ARHGEF12: variants seen among roughly 807,000 people sequenced by gnomAD.
ARHGEF12 encodes Rho guanine nucleotide exchange factor 12.
In ARHGEF12, 66 loss-of-function variants were observed where a neutral mutation model predicts 211.2. That is an observed-to-expected ratio of 0.31 (90% CI 0.26 to 0.38). The LOEUF is 0.38. Among genes scored for constraint, ARHGEF12 ranks in the 10% least tolerant of loss-of-function variants. The probability of loss-of-function intolerance (pLI) is 1.00; values close to 1 mark genes in which losing one functional copy is unlikely to be tolerated. For synonymous variants in ARHGEF12, 592 were observed against 638.4 expected, an observed-to-expected ratio of 0.93 and a Z score of 1.09; for missense variants, 1,429 against 1,869.5, an observed-to-expected ratio of 0.76 and a Z score of 4.34.
At chr11:120,373,301 T>A (rs572957084) in intron 1 of ARHGEF12, among the ~76,000 whole-genome samples, 44 of 152,370 alleles carry the variant, frequency 2.9e-4, no homozygotes, top group African/African-American at 1.0e-3. Flanking sequence ...AGGTGCTGTT[T>A]TGTAGCTTGA....
intron 15 of ARHGEF12, 88 bp downstream of exon 15, chr11:120,442,290 G>A: frequency 1.1e-6 from 1 of 944,794 alleles, no homozygotes; most frequent in Non-Finnish European, 1.5e-6. Context: ...CATGTTTTTG[G>A]ATTTTACTGT....
intron 15 of ARHGEF12, 148 bp from the exon 16 acceptor site, chr11:120,445,274 G>T (rs1946009474): frequency 2.7e-6 from 2 of 742,252 alleles, no homozygotes; most frequent in Non-Finnish European, 4.7e-6. Flanking sequence ...TTCTGGAGTT[G>T]TGAAATGTGA....
intron 30 of ARHGEF12, among the ~76,000 whole-genome samples, chr11:120,472,233 C>CA (rs1946890295): frequency 1.3e-5 from 2 of 151,818 alleles, no homozygotes; most frequent in African/African-American, 2.4e-5. Flanking sequence ...ATTATGCTAC[C>CA]ATATCTTGTT....
At chr11:120,377,315 T>A (rs1192660541) in intron 1 of ARHGEF12, among the ~76,000 whole-genome samples, 1 of 152,168 alleles carries the variant, frequency 6.6e-6, no homozygotes, top group African/African-American at 2.4e-5. Flanking sequence ...TCATGTACAG[T>A]ATGTAATCTT....
At chr11:120,471,140 C>T (rs1485110790) in intron 30 of ARHGEF12, among the ~76,000 whole-genome samples, 1 of 152,090 alleles carries the variant, frequency 6.6e-6, no homozygotes, top group Non-Finnish European at 1.5e-5. Context: ...TAAAGATATA[C>T]CCACAAACAG....
intron 1 of ARHGEF12, among the ~76,000 whole-genome samples, chr11:120,351,766 C>T (rs56329702): frequency 0.15 from 23,545 of 151,934 alleles, 2,493 homozygotes; most frequent in Non-Finnish European, 0.22. Context: ...CCACTGCGCC[C>T]GGCCGGATGT....
chr11:120,393,635 G>A (rs1944288000), intron 1 of ARHGEF12, among the ~76,000 whole-genome samples: 2 of 152,178 alleles, frequency 1.3e-5, no homozygotes, highest in Admixed American at 1.3e-4. Context: ...ATCTAGGCAT[G>A]TATACACCTA....
Position 120,480,071 on chromosome 11 carries a change from C to T in ARHGEF12, c.3878C>T (p.Thr1293Ile), listed in dbSNP as rs765541684. ...AGAACAGCCTCTCAGGGGCCGCAGA[C>T]AGACAGTGTCATCCAGAACTCTGAA... ...RYRTASQGPQTDSVIQNSENI... is the reference protein window; with the variant it reads ...RYRTASQGPQIDSVIQNSENI... The change falls in exon 38 of 41, where the codon ACA (threonine) becomes ATA (isoleucine). Residue 1293 changes from threonine (T) to isoleucine (I), a missense_variant. This residue lies in a region of ARHGEF12 where 467 missense variants were observed against 468.4 expected (regional missense o/e 1.00). Transcript: ENST00000397843. 1.2e-6 allele frequency: 2 copies of T among 1,614,086 alleles called. No individual in the cohort carries two copies. The highest frequency in any genetic ancestry group is 1.7e-6 in the Non-Finnish European group (2 of 1,180,040).
intron 1 of ARHGEF12, among the ~76,000 whole-genome samples, chr11:120,363,190 T>A (rs1194564009): frequency 6.6e-6 from 1 of 152,198 alleles, no homozygotes; most frequent in African/African-American, 2.4e-5. Flanking sequence ...GAAATAAAGT[T>A]TAAGGTTTGT....
chr11:120,469,993 A>G (rs1324583196), intron 30 of ARHGEF12, among the ~76,000 whole-genome samples: 6 of 152,222 alleles, frequency 3.9e-5, no homozygotes, highest in Non-Finnish European at 8.8e-5. Context: ...CCTGACGGAA[A>G]AAGAAAGCAT....
chr11:120,451,874 A>G (rs1946225106), intron 22 of ARHGEF12, 150 bp downstream of exon 22: 5 of 744,024 alleles, frequency 6.7e-6, no homozygotes, highest in Non-Finnish European at 1.1e-5. Context: ...TAAGAAATCT[A>G]TGCCGAATGA....
intron 11 of ARHGEF12, among the ~76,000 whole-genome samples, chr11:120,435,576 G>T (rs559406547): frequency 7.0e-6 from 1 of 143,526 alleles, no homozygotes; most frequent in Non-Finnish European, 1.5e-5. Context: ...GTGCAGTGAC[G>T]CAATCTCAGC....
At chr11:120,427,359 T>G (rs1358726275) in intron 7 of ARHGEF12, among the ~76,000 whole-genome samples, 1 of 152,192 alleles carries the variant, frequency 6.6e-6, no homozygotes, top group Non-Finnish European at 1.5e-5. Context: ...AATTGCATTT[T>G]ATGTTCTAGC....
In ARHGEF12 at chr11:120,477,438, T is replaced by C. The variant is rs868045520; in HGVS notation, c.3453-9T>C. ...GTAAAAGTTTTTTTTTTTTTTTTTT[T>C]CTCTACAGAGGAGATAATGATGAAG... On this transcript the variant is annotated splice_polypyrimidine_tract_variant and intron_variant, in intron 35 of 40. Transcript: ENST00000397843. 171 of 1,571,638 alleles carry C rather than the reference T, an allele frequency of 1.1e-4. No individual in the cohort carries two copies. The South Asian group carries it at 1.6e-3, about 15-fold the overall frequency.
intron 27 of ARHGEF12, chr11:120,462,994 T>C: frequency 6.6e-6 from 1 of 152,220 alleles, no homozygotes; most frequent in Non-Finnish European, 1.5e-5. Context: ...GTCAGCCATG[T>C]GATCACAGGG....
chr11:120,421,672 G>A (rs536990904), intron 5 of ARHGEF12, 131 bp from the exon 6 acceptor site: 11 of 749,202 alleles, frequency 1.5e-5, no homozygotes, highest in South Asian at 1.5e-4. Context: ...TCTTGACCTC[G>A]TGATCCGCCC....
At chr11:120,477,180 T>TGTTC in intron 34 of ARHGEF12, 39 bp from the exon 35 acceptor site, 14 of 1,587,698 alleles carry the variant, frequency 8.8e-6, no homozygotes, top group Non-Finnish European at 1.0e-5. Context: ...ATTTCTTTTT[T>TGTTC]CTTTTTTGTA....
At position 120,468,434 on chromosome 11, in the gene ARHGEF12, G is replaced by A. The variant is rs1946768826; in HGVS notation, c.2855-854G>A. ...ACATGACATAGCCTCAATACGTTTTGTCTTGTTTTGTTTTGTTTTGTTTTG... is the reference window on the plus strand; with the variant it reads ...ACATGACATAGCCTCAATACGTTTTATCTTGTTTTGTTTTGTTTTGTTTTG... On this transcript the variant is annotated intron_variant, in intron 29 of 40. Transcript: ENST00000397843. Among the ~76,000 whole-genome samples the A allele has an allele frequency of 2.0e-5, 3 of 152,102 alleles. No individual in the cohort carries two copies. The South Asian group carries it at 6.2e-4, about 31-fold the overall frequency.
At position 120,476,657 on chromosome 11, in the gene ARHGEF12, C is replaced by A. The variant is rs377246853; in HGVS notation, c.3278-4C>A. 203 of 1,609,446 alleles carry A rather than the reference C, an allele frequency of 1.3e-4. 1 individual carries two copies. In the African/African-American group the frequency reaches 2.5e-3, roughly 20 times the overall value. ...TTAGAGTAATCTTGTATTGTTTTTTCCAGATAACAAAGCTTTATTCGTCAT... is the reference window on the plus strand; with the variant it reads ...TTAGAGTAATCTTGTATTGTTTTTTACAGATAACAAAGCTTTATTCGTCAT... On this transcript the variant is annotated splice_region_variant and splice_polypyrimidine_tract_variant and intron_variant, in intron 33 of 40. Transcript: ENST00000397843.
Sources: gnomAD v4.1 joint callset for allele counts (sites outside exome capture counted in the v4.1 genomes callset) on GRCh38, gnomAD v4.1.1 for gene constraint, gnomAD v4.1.1 regional missense constraint, MANE v1.5 for transcripts, NCBI Gene and HGNC (gene_info 2026-07-23, HGNC 2026-07-21) for gene names.